ASCC3: variants seen among roughly 807,000 people sequenced by gnomAD.
The protein encoded by ASCC3 is ASC-1 complex subunit P200.
In ASCC3, 158 loss-of-function variants were observed where a neutral mutation model predicts 256.3. The observed-to-expected ratio is 0.62, with a 90% confidence interval of 0.54 to 0.70. The LOEUF (loss-of-function observed/expected upper bound fraction) is 0.70, where lower values mean the gene tolerates loss of function less well. ASCC3 is among the 30% of genes least tolerant of loss of function. ASCC3 has a pLI of 0.00. For synonymous variants in ASCC3, 948 were observed against 883.4 expected (o/e 1.07, Z -1.30); for missense variants, 2,259 against 2,626.0 (o/e 0.86, Z 3.05).
At chr6:100,512,246 A>T (rs935578688) in intron 40 of ASCC3, among the ~76,000 whole-genome samples, 2 of 152,336 alleles carry the variant, frequency 1.3e-5, no homozygotes, top group Non-Finnish European at 2.9e-5. Flanking sequence ...CTTCAGTCTC[A>T]TCTACATCTA....
intron 8 of ASCC3, among the ~76,000 whole-genome samples, chr6:100,786,242 G>T (rs374650852): frequency 5.9e-5 from 9 of 151,900 alleles, no homozygotes; most frequent in African/African-American, 2.2e-4. Flanking sequence ...TCTTCTTTAG[G>T]GTGCTATGTC....
chr6:100,800,395 T>G lies in ASCC3; in HGVS notation c.1032A>C (p.Glu344Asp), dbSNP rs769826581. The G allele has an allele frequency of 6.2e-7, 1 of 1,612,976 alleles. No individual in the cohort carries two copies. The highest frequency in any genetic ancestry group is 1.3e-5 in the African/African-American group (1 of 75,006). ...KQLMKQYRRE[E>D]KRIARREKKA... Reference sequence around the variant, plus strand: ...TTTTTTCTCGTCTGGCAATTCTTTTTTCTTCACGTCGATATTGTTTCATTA... The same window carrying G: ...TTTTTTCTCGTCTGGCAATTCTTTTGTCTTCACGTCGATATTGTTTCATTA... The change falls in exon 6 of 42, where the codon GAA becomes GAC. Residue 344 changes from glutamate to aspartate, a missense_variant. Glu to Asp is a conservative substitution (Grantham distance 45). Around this residue, in one of 2 missense-constraint regions of ASCC3, gnomAD observed 420 missense variants for 419.3 expected, o/e 1.00. Coordinates refer to ENST00000369162, the MANE Select transcript of ASCC3 (RefSeq NM_006828.4).
chr6:100,715,458 G>A lies in ASCC3; in HGVS notation c.2151+4C>T, dbSNP rs777218292. On this transcript the variant is annotated splice_donor_region_variant and intron_variant, in intron 13 of 41. Transcript: ENST00000369162. Reference sequence around the variant, plus strand: ...AAGTGTAAAAGCAGATAAAATAAGTGTACCTGGTGTCCAGCCTTTACTTGC... The same window carrying A: ...AAGTGTAAAAGCAGATAAAATAAGTATACCTGGTGTCCAGCCTTTACTTGC... 2.5e-6 allele frequency: 4 copies of A among 1,605,654 alleles called. No homozygotes were observed. In the Admixed American group the frequency reaches 6.7e-5, roughly 27 times the overall value.
chr6:100,826,200 T>C (rs1771299293), intron 4 of ASCC3, among the ~76,000 whole-genome samples: 1 of 152,034 alleles, frequency 6.6e-6, no homozygotes, highest in South Asian at 2.1e-4. Flanking sequence ...GGCGTGATCT[T>C]GGCTCACCGC....
At chr6:100,534,484 C>T (rs970117297) in intron 37 of ASCC3, among the ~76,000 whole-genome samples, 1 of 152,186 alleles carries the variant, frequency 6.6e-6, no homozygotes, top group East Asian at 1.9e-4. Flanking sequence ...TCACTTACTA[C>T]ATTTTACAAA....
At chr6:100,732,032 G>C (rs547524799) in intron 10 of ASCC3, among the ~76,000 whole-genome samples, 83 of 152,036 alleles carry the variant, frequency 5.5e-4, no homozygotes, top group Non-Finnish European at 9.4e-4. Flanking sequence ...ATGGTGGTAG[G>C]CGCCTGTAAT....
At chr6:100,821,051 T>C (rs1318668071) in intron 4 of ASCC3, among the ~76,000 whole-genome samples, 1 of 152,178 alleles carries the variant, frequency 6.6e-6, no homozygotes, top group Non-Finnish European at 1.5e-5. Flanking sequence ...GTTTTTTAAG[T>C]TGGGGTTTTG....
intron 11 of ASCC3, among the ~76,000 whole-genome samples, chr6:100,720,305 T>TA (rs1206795362): frequency 1.3e-5 from 2 of 151,594 alleles, no homozygotes; most frequent in Non-Finnish European, 3.0e-5. Flanking sequence ...TAAAACTATG[T>TA]AAAAAAAGGG....
intron 37 of ASCC3, chr6:100,531,133 G>A: frequency 1.2e-6 from 1 of 860,494 alleles, no homozygotes; most frequent in Non-Finnish European, 1.9e-6. Flanking sequence ...TGGCTGGACT[G>A]AACTAAAGAT....
chr6:100,822,818 C>T (rs1479393883), intron 4 of ASCC3, among the ~76,000 whole-genome samples: 1 of 152,166 alleles, frequency 6.6e-6, no homozygotes, highest in Non-Finnish European at 1.5e-5. Context: ...GAGACCATTT[C>T]TTCCATAAGA....
chr6:100,609,348 A>C (rs1397093920), intron 30 of ASCC3, among the ~76,000 whole-genome samples: 1 of 152,050 alleles, frequency 6.6e-6, no homozygotes, highest in Admixed American at 6.5e-5. Flanking sequence ...TAGGTTAAAT[A>C]CTTCCTTATC....
intron 4 of ASCC3, among the ~76,000 whole-genome samples, chr6:100,816,269 T>G (rs574428728): frequency 1.3e-5 from 2 of 151,956 alleles, no homozygotes; most frequent in Non-Finnish European, 2.9e-5. Context: ...CAGATGCTAG[T>G]GAGGTTACGG....
At chr6:100,717,781 A>T (rs1779153433) in intron 12 of ASCC3, among the ~76,000 whole-genome samples, 2 of 152,122 alleles carry the variant, frequency 1.3e-5, no homozygotes, top group African/African-American at 4.8e-5. Context: ...TCACGTCAAA[A>T]TAACGTAAAA....
Position 100,864,134 on chromosome 6 carries a change from T to C in ASCC3, c.171A>G (p.Lys57=), listed in dbSNP as rs765998307. 1 of 1,607,356 alleles carries C rather than the reference T, an allele frequency of 6.2e-7. No homozygotes were observed. Among genetic ancestry groups the C allele is most frequent in the Non-Finnish European group, 8.5e-7 (1 of 1,175,608 alleles). The change falls in exon 3 of 42, where the codon AAA becomes AAG. Residue 57 remains lysine (K), a synonymous_variant. Coordinates refer to ENST00000369162, the MANE Select transcript of ASCC3 (RefSeq NM_006828.4). ...WKKIIKFLNE[K]LEKSKMQSIN... ...TACTTTGCATTTTACTCTTCTCCAGTTTTTCATTCAAAAATTTTATTATCT... is the reference window on the plus strand; with the variant it reads ...TACTTTGCATTTTACTCTTCTCCAGCTTTTCATTCAAAAATTTTATTATCT...
At chr6:100,845,972 T>C (rs1772362739) in intron 4 of ASCC3, among the ~76,000 whole-genome samples, 4 of 152,158 alleles carry the variant, frequency 2.6e-5, no homozygotes, top group African/African-American at 9.7e-5. Flanking sequence ...TCTGCTACAT[T>C]TCTGGAGCAA....
intron 37 of ASCC3, 36 bp downstream of exon 37, chr6:100,540,127 G>T (rs773237583): frequency 4.5e-6 from 7 of 1,561,720 alleles, no homozygotes; most frequent in Non-Finnish European, 6.2e-6. Flanking sequence ...AATGATGGGA[G>T]AAAACACACA....
intron 36 of ASCC3, among the ~76,000 whole-genome samples, chr6:100,555,117 T>A (rs1197661439): frequency 6.7e-6 from 1 of 148,498 alleles, no homozygotes; most frequent in Non-Finnish European, 1.5e-5. Context: ...CATTCCAGGT[T>A]GAAAAAAGTA....
At chr6:100,796,513 G>T (rs925532230) in intron 8 of ASCC3, among the ~76,000 whole-genome samples, 1 of 152,048 alleles carries the variant, frequency 6.6e-6, no homozygotes, top group Non-Finnish European at 1.5e-5. Context: ...AGGTAATTAC[G>T]GTTAAATGAA....
chr6:100,722,642 CTGAA>C (rs559798905), intron 11 of ASCC3, among the ~76,000 whole-genome samples: 48 of 151,668 alleles, frequency 3.2e-4, no homozygotes, highest in South Asian at 8.3e-4. Flanking sequence ...TGTTCATTAA[CTGAA>C]TGAATGAATG....
Sources: gnomAD v4.1 joint callset for allele counts (sites outside exome capture counted in the v4.1 genomes callset) on GRCh38, gnomAD v4.1.1 for gene constraint, gnomAD v4.1.1 regional missense constraint, MANE v1.5 for transcripts, NCBI Gene and HGNC (gene_info 2026-07-23, HGNC 2026-07-21) for gene names.